PPP1R16B: variants seen among roughly 807,000 people sequenced by gnomAD.
The protein encoded by PPP1R16B is protein phosphatase 1 regulatory inhibitor subunit 16B.
A neutral mutation model predicts 61.7 loss-of-function variants in PPP1R16B; 14 were observed. That is an observed-to-expected ratio of 0.23 (90% CI 0.15 to 0.35). The LOEUF is 0.35. Ranked by LOEUF, PPP1R16B falls within the 10% of genes least tolerant of loss-of-function variation. The probability of loss-of-function intolerance (pLI) is 1.00; values close to 1 mark genes in which losing one functional copy is unlikely to be tolerated. For synonymous variants in PPP1R16B, 266 were observed against 305.3 expected (o/e 0.87, Z 1.34); for missense variants, 547 against 752.5 (o/e 0.73, Z 3.19).
intron 1 of PPP1R16B, among the ~76,000 whole-genome samples, chr20:38,833,428 C>T (rs1224273752): frequency 6.6e-6 from 1 of 152,072 alleles, no homozygotes; most frequent in South Asian, 2.1e-4. Flanking sequence ...CTAGGGAAAT[C>T]GGCATAAGAT....
intron 10 of PPP1R16B, among the ~76,000 whole-genome samples, chr20:38,915,011 C>T (rs897928103): frequency 6.6e-6 from 1 of 151,734 alleles, no homozygotes; most frequent in Non-Finnish European, 1.5e-5. Context: ...TTTTTCCGAG[C>T]AGTTTTAGAA....
At chr20:38,865,285 CT>C (rs1264985258) in intron 2 of PPP1R16B, among the ~76,000 whole-genome samples, 2 of 67,112 alleles carry the variant, frequency 3.0e-5, no homozygotes, top group Non-Finnish European at 2.7e-5. Flanking sequence ...CTGCTGCATT[CT>C]TTTTTTTTCT....
rs1325602350 is a variant in PPP1R16B, at chr20:38,918,947, C to T, written c.*281C>T. 2.7e-6 allele frequency: 1 copy of T among 375,426 alleles called. No individual in the cohort carries two copies. The highest frequency in any genetic ancestry group is 4.2e-5 in the East Asian group (1 of 23,584). The allele number at this position is 375,426 out of a possible 1,614,324, so 23.3% of individuals were successfully genotyped here. On this transcript the variant is annotated 3_prime_UTR_variant, in exon 11 of 11. Coordinates refer to ENST00000299824, the MANE Select transcript of PPP1R16B (RefSeq NM_015568.4). The surrounding 1 kb of genome is among the most constrained non-coding windows in gnomAD (Gnocchi z 5.3). ...TCTTGGGAGGGTGGGCTTGAGATCC[C>T]AGCTCTATTCTTGGTATAAAGGCTT...
At chr20:38,863,271 G>A (rs957538277) in intron 2 of PPP1R16B, among the ~76,000 whole-genome samples, 8 of 152,150 alleles carry the variant, frequency 5.3e-5, no homozygotes, top group Admixed American at 2.0e-4. Flanking sequence ...TGGTCTGACC[G>A]CAGAGACCTG....
chr20:38,853,859 G>A (rs1480427213), intron 2 of PPP1R16B, among the ~76,000 whole-genome samples: 2 of 152,150 alleles, frequency 1.3e-5, no homozygotes, highest in Admixed American at 6.5e-5. Context: ...CCAGCATGAT[G>A]GTCTCAGGGT....
chr20:38,864,418 T>A (rs2085076583), intron 2 of PPP1R16B, among the ~76,000 whole-genome samples: 1 of 152,210 alleles, frequency 6.6e-6, no homozygotes, highest in Non-Finnish European at 1.5e-5. Context: ...CACTTGCTAG[T>A]GCCACTGGCT....
chr20:38,844,354 C>T (rs1471982943), intron 2 of PPP1R16B, among the ~76,000 whole-genome samples: 1 of 152,126 alleles, frequency 6.6e-6, no homozygotes, highest in Non-Finnish European at 1.5e-5. Flanking sequence ...GTAACAAATG[C>T]TGTCAGTTGT....
In PPP1R16B at chr20:38,892,675, G is replaced by A. The variant is rs149601822; in HGVS notation, c.322-2890G>A. ...AATGCAGTGTGGTCAGCCCTTGCAC[G>A]GAGATAGGCAGGGGCTCAGTGGCAG... On this transcript the variant is annotated intron_variant, in intron 3 of 10. Coordinates refer to ENST00000299824, the MANE Select transcript of PPP1R16B (RefSeq NM_015568.4). Among the ~76,000 whole-genome samples, 140 of 152,238 alleles carry A rather than the reference G, an allele frequency of 9.2e-4. 2 individuals carry two copies. Among genetic ancestry groups the A allele is most frequent in the African/African-American group, 3.3e-3 (136 of 41,532 alleles).
intron 1 of PPP1R16B, among the ~76,000 whole-genome samples, chr20:38,825,856 G>T (rs563179144): frequency 1.3e-5 from 2 of 152,306 alleles, no homozygotes; most frequent in South Asian, 2.1e-4. Context: ...ACAGAATTGC[G>T]TACTCAGTGT....
intron 3 of PPP1R16B, among the ~76,000 whole-genome samples, chr20:38,894,423 A>G (rs968458063): frequency 2.0e-5 from 3 of 152,168 alleles, no homozygotes; most frequent in Non-Finnish European, 1.5e-5. Flanking sequence ...GCTTCAACAC[A>G]GCTCCTCACT....
chr20:38,895,652 C>A lies in PPP1R16B; in HGVS notation c.409C>A (p.Pro137Thr). ...CGCCAAGGACAACGAGCTGTGGACACCTCTCCATGCTGCAGCCACCTGCGG... is the reference window on the plus strand; with the variant it reads ...CGCCAAGGACAACGAGCTGTGGACAACTCTCCATGCTGCAGCCACCTGCGG... Reference protein sequence around the residue: ...VNAKDNELWTPLHAAATCGHI... With the variant: ...VNAKDNELWTTLHAAATCGHI... The change falls in exon 4 of 11, where the codon CCT (proline) becomes ACT (threonine). Residue 137 changes from proline to threonine, a missense_variant. Coordinates refer to ENST00000299824, the MANE Select transcript of PPP1R16B (RefSeq NM_015568.4). 6.2e-7 allele frequency: 1 copy of A among 1,614,152 alleles called. No individual in the cohort carries two copies. Among genetic ancestry groups the A allele is most frequent in the Non-Finnish European group, 8.5e-7 (1 of 1,180,004 alleles).
intron 2 of PPP1R16B, among the ~76,000 whole-genome samples, chr20:38,871,787 G>A (rs2085131983): frequency 6.6e-6 from 1 of 152,144 alleles, no homozygotes; most frequent in Admixed American, 6.5e-5. Context: ...GGGTGCAGGT[G>A]TGCCCATGGT....
chr20:38,911,372 T>A (rs1261859653), intron 10 of PPP1R16B, among the ~76,000 whole-genome samples: 2 of 146,372 alleles, frequency 1.4e-5, no homozygotes, highest in African/African-American at 2.5e-5. Flanking sequence ...TTCACCGTGT[T>A]AGCCAGGATG....
rs182660824 is a variant in PPP1R16B, at chr20:38,861,425, C to T, written c.250+25250C>T. On this transcript the variant is annotated intron_variant, in intron 2 of 10. Transcript: ENST00000299824. ...CTTGTCTATGAGTTGCCTGGGAGAG[C>T]CAAGACTCCTGTGTCCCTCCAAAGT... Among the ~76,000 whole-genome samples, 189 of 152,270 alleles carry T rather than the reference C, an allele frequency of 1.2e-3. 1 individual carries two copies. Among genetic ancestry groups the T allele is most frequent in the African/African-American group, 4.2e-3 (175 of 41,552 alleles).
chr20:38,835,314 C>G (rs1439537657), intron 1 of PPP1R16B, among the ~76,000 whole-genome samples: 1 of 152,164 alleles, frequency 6.6e-6, no homozygotes, highest in Non-Finnish European at 1.5e-5. Context: ...TTTTGGGGGC[C>G]TGCAGCCCCC....
intron 2 of PPP1R16B, among the ~76,000 whole-genome samples, chr20:38,848,099 G>T (rs1372460427): frequency 6.6e-6 from 1 of 152,176 alleles, no homozygotes; most frequent in Admixed American, 6.5e-5. Context: ...CAATGGCAGA[G>T]TTGAGTTGTA....
chr20:38,917,041 A>C (rs896085702), intron 10 of PPP1R16B, among the ~76,000 whole-genome samples: 6 of 152,142 alleles, frequency 3.9e-5, no homozygotes, highest in African/African-American at 1.4e-4. Context: ...TCATGCCTGC[A>C]ATCTCAGCAC....
intron 2 of PPP1R16B, among the ~76,000 whole-genome samples, chr20:38,884,954 C>T (rs1471657969): frequency 6.7e-6 from 1 of 148,350 alleles, no homozygotes; most frequent in Non-Finnish European, 1.5e-5. Flanking sequence ...GACTGTAGTC[C>T]CAGGTACTTG....
At chr20:38,852,791 G>A (rs1343231786) in intron 2 of PPP1R16B, among the ~76,000 whole-genome samples, 1 of 140,674 alleles carries the variant, frequency 7.1e-6, no homozygotes, top group Non-Finnish European at 1.5e-5. Flanking sequence ...GGTAGCATGG[G>A]GGGATAAAGT....
Sources: allele counts gnomAD v4.1 joint callset (sites outside exome capture counted in the v4.1 genomes callset), GRCh38; gene constraint gnomAD v4.1.1; non-coding constraint Gnocchi (gnomAD v3.1); transcripts MANE v1.5; gene names NCBI Gene and HGNC (gene_info 2026-07-23, HGNC 2026-07-21).